The following TAF3 variants were observed in gnomAD, a reference collection of about 807,000 sequenced individuals.
TAF3 encodes the protein transcription initiation factor TFIID subunit 3.
TAF3 carries 7 observed loss-of-function variants against 80.6 expected under a neutral mutation model. That is an observed-to-expected ratio of 0.09 (90% CI 0.05 to 0.16). TAF3 has a LOEUF of 0.16. Among genes scored for constraint, TAF3 ranks in the 10% least tolerant of loss-of-function variants. The probability of loss-of-function intolerance (pLI) is 1.00; values close to 1 mark genes in which losing one functional copy is unlikely to be tolerated. For missense variants in TAF3, 921 were observed against 1,140.2 expected, an observed-to-expected ratio of 0.81 and a Z score of 2.77; for synonymous variants, 444 against 446.1, an observed-to-expected ratio of 1.00 and a Z score of 0.06.
Position 7,964,699 on chromosome 10 carries a change from C to G in TAF3, c.1189C>G (p.Arg397Gly), listed in dbSNP as rs1474577906. Residue 397 changes from arginine to glycine, a missense_variant, in exon 3 of 7, where the codon CGA becomes GGA. Transcript: ENST00000344293. This position sits in a 1 kb window ranked among gnomAD's most constrained non-coding sequence, Gnocchi z 4.1. ...IEASIDAVIA[R>G]ACAEREPDPF... Reference sequence around the variant, plus strand: ...GGCCTCTATCGATGCTGTGATTGCACGAGCCTGTGCTGAGCGAGAGCCAGA... The same window carrying G: ...GGCCTCTATCGATGCTGTGATTGCAGGAGCCTGTGCTGAGCGAGAGCCAGA... 1.9e-6 allele frequency: 3 copies of G among 1,614,146 alleles called. No homozygotes were observed. The highest frequency in any genetic ancestry group is 2.5e-6 in the Non-Finnish European group (3 of 1,180,022).
chr10:7,952,103 T>A (rs1293625161), intron 2 of TAF3, among the ~76,000 whole-genome samples: 1 of 152,226 alleles, frequency 6.6e-6, no homozygotes, highest in East Asian at 1.9e-4. Flanking sequence ...GATTTGTGAA[T>A]GTGTGGTGTT....
At chr10:7,971,825 A>C (rs2131416968) in intron 3 of TAF3, among the ~76,000 whole-genome samples, 1 of 152,324 alleles carries the variant, frequency 6.6e-6, no homozygotes, top group South Asian at 2.1e-4. Flanking sequence ...TAAATCCTTG[A>C]AGATTAACAA....
intron 2 of TAF3, among the ~76,000 whole-genome samples, chr10:7,873,624 C>CCCCCT (rs1554779083): frequency 7.0e-6 from 1 of 143,534 alleles, no homozygotes; most frequent in African/African-American, 2.6e-5. Context: ...TTCTCCCCCC[C>CCCCCT]CCCCCGTCAA....
At position 7,964,873 on chromosome 10, in the gene TAF3, G is replaced by C. The variant is rs61731332; in HGVS notation, c.1363G>C (p.Gly455Arg). 1 of 1,614,080 alleles carries C rather than the reference G, an allele frequency of 6.2e-7. No homozygotes were observed. Among genetic ancestry groups the C allele is most frequent in the South Asian group, 1.1e-5 (1 of 91,072 alleles). Residue 455 changes from glycine to arginine, a missense_variant, in exon 3 of 7, where the codon GGT (glycine) becomes CGT (arginine). Coordinates refer to ENST00000344293, the MANE Select transcript of TAF3 (RefSeq NM_031923.4). The surrounding 1 kb of genome is among the most constrained non-coding windows in gnomAD (Gnocchi z 4.1). Reference protein sequence around the residue: ...KSGSTPLPLSGGTSSSDNSWT... With the variant: ...KSGSTPLPLSRGTSSSDNSWT... ...AGGATCCACTCCTCTGCCTCTTTCCGGTGGAACCTCAAGTTCCGATAACTC... is the reference window on the plus strand; with the variant it reads ...AGGATCCACTCCTCTGCCTCTTTCCCGTGGAACCTCAAGTTCCGATAACTC...
Position 7,842,171 on chromosome 10 carries a change from T to TG in TAF3, c.409+17611_409+17612insG, listed in dbSNP as rs1564345341. Among the ~76,000 whole-genome samples, 323 of 97,400 alleles carry TG rather than the reference T, an allele frequency of 3.3e-3. 4 individuals are homozygous for TG. Among genetic ancestry groups the TG allele is most frequent in the African/African-American group, 0.012 (313 of 25,794 alleles). The allele number at this position is 97,400 out of a possible 152,430, so 63.9% of individuals were successfully genotyped here. A position where few individuals can be genotyped will look rare whatever the true frequency, so the allele number is the denominator to read the frequency against. ...ATATTGTTTTTTTTTTTTGTTTTTTTTTTTGTTTTTTTTTTTTTTTGAGAC... is the reference window on the plus strand; with the variant it reads ...ATATTGTTTTTTTTTTTTGTTTTTTTGTTTTGTTTTTTTTTTTTTTTGAGAC... On this transcript the variant is annotated intron_variant, in intron 2 of 6. Coordinates refer to ENST00000344293, the MANE Select transcript of TAF3 (RefSeq NM_031923.4).
intron 2 of TAF3, among the ~76,000 whole-genome samples, chr10:7,921,829 A>G (rs550371867): frequency 1.3e-5 from 2 of 152,220 alleles, no homozygotes; most frequent in East Asian, 1.9e-4. Flanking sequence ...GAAACTACTT[A>G]TTTTAAAATG....
At chr10:7,974,091 G>A (rs533076200) in intron 3 of TAF3, among the ~76,000 whole-genome samples, 11 of 151,824 alleles carry the variant, frequency 7.2e-5, no homozygotes, top group African/African-American at 2.7e-4. Context: ...ACGTGCCACT[G>A]ATCTCCAGCC....
chr10:7,863,752 T>C (rs932294215), intron 2 of TAF3, among the ~76,000 whole-genome samples: 4 of 138,888 alleles, frequency 2.9e-5, no homozygotes, highest in Non-Finnish European at 6.2e-5. Flanking sequence ...TATATACACA[T>C]ATATATATAC....
intron 2 of TAF3, among the ~76,000 whole-genome samples, chr10:7,945,644 C>A (rs1838017619): frequency 6.6e-6 from 1 of 152,106 alleles, no homozygotes; most frequent in Non-Finnish European, 1.5e-5. Flanking sequence ...CCTGAGAAGG[C>A]TGTCCCAGCA....
chr10:8,007,279 A>G (rs998528323), intron 4 of TAF3, among the ~76,000 whole-genome samples: 6 of 152,156 alleles, frequency 3.9e-5, no homozygotes, highest in African/African-American at 1.4e-4. Flanking sequence ...GGGAAAAGCT[A>G]GTTGCAGAGG....
At chr10:7,851,871 A>G (rs578243265) in intron 2 of TAF3, among the ~76,000 whole-genome samples, 3 of 151,868 alleles carry the variant, frequency 2.0e-5, no homozygotes, top group Non-Finnish European at 2.9e-5. Flanking sequence ...TGCAGCCTCA[A>G]ACTCCCAGGC....
At chr10:7,910,758 T>C (rs1837650064) in intron 2 of TAF3, among the ~76,000 whole-genome samples, 1 of 152,170 alleles carries the variant, frequency 6.6e-6, no homozygotes, top group South Asian at 2.1e-4. Context: ...ACCTGGCTAC[T>C]AACTAAAAGA....
chr10:7,822,202 A>C (rs1338210185), intron 1 of TAF3, among the ~76,000 whole-genome samples: 1 of 151,628 alleles, frequency 6.6e-6, no homozygotes, highest in Non-Finnish European at 1.5e-5. Context: ...AGATAGTGAC[A>C]GTAAGAATAG....
intron 2 of TAF3, among the ~76,000 whole-genome samples, chr10:7,935,819 T>G (rs372103304): frequency 2.6e-4 from 39 of 152,140 alleles, no homozygotes; most frequent in African/African-American, 8.9e-4. Flanking sequence ...AGGAGAAAAG[T>G]GCAACTGGAC....
intron 2 of TAF3, among the ~76,000 whole-genome samples, chr10:7,835,139 C>T (rs1391182193): frequency 6.6e-6 from 1 of 152,046 alleles, no homozygotes; most frequent in Non-Finnish European, 1.5e-5. Context: ...TTTTGGCTTC[C>T]CTGGGTCACA....
intron 2 of TAF3, among the ~76,000 whole-genome samples, chr10:7,953,779 C>T (rs1188751253): frequency 1.3e-5 from 2 of 152,086 alleles, no homozygotes; most frequent in African/African-American, 4.8e-5. Flanking sequence ...ACATCATAGG[C>T]AAATGAATGA....
intron 2 of TAF3, among the ~76,000 whole-genome samples, chr10:7,948,366 G>T (rs978807667): frequency 6.6e-6 from 1 of 151,708 alleles, no homozygotes; most frequent in Admixed American, 6.6e-5. Context: ...TGGGATTACA[G>T]GCATGAACCA....
intron 2 of TAF3, among the ~76,000 whole-genome samples, chr10:7,877,926 C>A (rs951528624): frequency 1.3e-5 from 2 of 152,164 alleles, no homozygotes; most frequent in Non-Finnish European, 2.9e-5. Context: ...CAATTCAGAT[C>A]TCAAATACAT....
rs114991998 is a variant in TAF3, at chr10:7,972,099, C to T, written c.2233-5142C>T. ...TTTATTTTAACCCTTAAAAGCTCAT[C>T]GTGGCCCCAGATTTTGGCTTGATGC... On this transcript the variant is annotated intron_variant, in intron 3 of 6. Transcript: ENST00000344293. Among the ~76,000 whole-genome samples, 101 of 152,290 alleles carry T rather than the reference C, an allele frequency of 6.6e-4. 1 individual carries two copies. Among genetic ancestry groups the T allele is most frequent in the African/African-American group, 2.2e-3 (93 of 41,554 alleles).
Sources: gnomAD v4.1 joint callset for allele counts (sites outside exome capture counted in the v4.1 genomes callset) on GRCh38, gnomAD v4.1.1 for gene constraint, Gnocchi (gnomAD v3.1) non-coding constraint, MANE v1.5 for transcripts, NCBI Gene and HGNC (gene_info 2026-07-23, HGNC 2026-07-21) for gene names.